Variants in PPP6C observed in about 807,000 individuals in gnomAD.
The protein encoded by PPP6C is serine/threonine-protein phosphatase 6 catalytic subunit.
PPP6C carries 11 observed loss-of-function variants against 39.8 expected under a neutral mutation model. The ratio of observed to expected loss-of-function variants is 0.28; its 90% CI spans 0.17 to 0.46. The LOEUF is 0.46. Among genes scored for constraint, PPP6C ranks in the 20% least tolerant of loss-of-function variants. The pLI is 1.00. For missense variants in PPP6C, 211 were observed against 373.9 expected (o/e 0.56, Z 3.59); for synonymous variants, 129 against 130.3 (o/e 0.99, Z 0.07).
chr9:125,157,177 G>A (rs1836099321), intron 4 of PPP6C, among the ~76,000 whole-genome samples: 1 of 135,778 alleles, frequency 7.4e-6, no homozygotes, highest in African/African-American at 2.8e-5. Context: ...GTAGAGACAG[G>A]GTTTAGTTGG....
rs771845142 is a variant in PPP6C at position 125,153,677 on chromosome 9, T to C, written c.525A>G (p.Gln175=). 44 of 1,614,210 alleles carry C rather than the reference T, an allele frequency of 2.7e-5. 1 individual carries two copies. In the South Asian group the frequency reaches 4.8e-4, roughly 18 times the overall value. ...GLSPDIKTLD[Q]IRTIERNQEI... ...CCTGATTCCGTTCGATGGTTCGAAT[T>C]TGATCCAGTGTTTTGATATCAGGAG... is the stretch of plus-strand genomic sequence containing the variant. The change falls in exon 6 of 7, where the codon CAA becomes CAG. Residue 175 remains glutamine (Q), a synonymous_variant. Transcript: ENST00000373547.
intron 1 of PPP6C, among the ~76,000 whole-genome samples, chr9:125,175,500 G>A (rs371146625): frequency 2.0e-5 from 3 of 151,770 alleles, no homozygotes; most frequent in African/African-American, 7.3e-5. Flanking sequence ...AAAATTAGCG[G>A]GGCATGGTGG....
At chr9:125,184,186 G>T (rs1031104476) in intron 1 of PPP6C, among the ~76,000 whole-genome samples, 2 of 152,050 alleles carry the variant, frequency 1.3e-5, no homozygotes, top group Non-Finnish European at 2.9e-5. Context: ...AGGAGATTGA[G>T]ACCATCCTGG....
chr9:125,162,884 C>T (rs1828917760), intron 2 of PPP6C, among the ~76,000 whole-genome samples: 1 of 151,526 alleles, frequency 6.6e-6, no homozygotes, highest in Admixed American at 6.6e-5. Flanking sequence ...TCGAGACCAG[C>T]CTGGCCAACA....
intron 2 of PPP6C, among the ~76,000 whole-genome samples, chr9:125,163,762 T>C (rs1828943394): frequency 1.3e-5 from 2 of 152,128 alleles, no homozygotes; most frequent in Admixed American, 6.6e-5. Context: ...CTTTTAAAGT[T>C]TGTATTTACC....
chr9:125,175,303 G>A (rs116762020), intron 1 of PPP6C, among the ~76,000 whole-genome samples: 2,854 of 151,996 alleles, frequency 0.019, 81 homozygotes, highest in African/African-American at 0.063. Context: ...AGATGTTCTC[G>A]AAGGTTCCAT....
chr9:125,164,090 G>A (rs893409561), intron 2 of PPP6C, among the ~76,000 whole-genome samples: 36 of 151,856 alleles, frequency 2.4e-4, no homozygotes, highest in African/African-American at 8.7e-4. Context: ...CACCCGCTTC[G>A]GTTTCCCAAA....
intron 1 of PPP6C, among the ~76,000 whole-genome samples, chr9:125,185,797 C>T (rs534497279): frequency 1.3e-5 from 2 of 151,958 alleles, no homozygotes; most frequent in East Asian, 1.9e-4. Context: ...CCAGCCTGAA[C>T]AACATGGGGA....
chr9:125,158,881 G>C (rs1025767378), intron 3 of PPP6C, among the ~76,000 whole-genome samples: 2 of 151,702 alleles, frequency 1.3e-5, no homozygotes, highest in Non-Finnish European at 2.9e-5. Context: ...GGTCAGGCTG[G>C]TCTCAAACTC....
At chr9:125,189,086 A>T (rs1000061399) in intron 1 of PPP6C, 1 of 627,820 alleles carries the variant, frequency 1.6e-6, no homozygotes, top group African/African-American at 1.8e-5. Flanking sequence ...CTAAAAAGCA[A>T]TTTGGAGGAG....
intron 2 of PPP6C, among the ~76,000 whole-genome samples, chr9:125,169,719 T>C (rs1771760249): frequency 6.6e-6 from 1 of 152,216 alleles, no homozygotes; most frequent in South Asian, 2.1e-4. Context: ...TACAAATGTT[T>C]GAGAGAGAAG....
At chr9:125,181,988 TG>T (rs1392149018) in intron 1 of PPP6C, among the ~76,000 whole-genome samples, 2 of 152,236 alleles carry the variant, frequency 1.3e-5, no homozygotes, top group African/African-American at 4.8e-5. Flanking sequence ...TTTTAATGAT[TG>T]CCATTCTAAC....
intron 2 of PPP6C, among the ~76,000 whole-genome samples, chr9:125,164,986 C>T (rs1828981143): frequency 6.6e-6 from 1 of 152,148 alleles, no homozygotes; most frequent in Non-Finnish European, 1.5e-5. Flanking sequence ...ATCCGCCCGC[C>T]TCGGCCTCCC....
chr9:125,180,453 G>A (rs1041679926), intron 1 of PPP6C, among the ~76,000 whole-genome samples: 5 of 151,898 alleles, frequency 3.3e-5, no homozygotes, highest in African/African-American at 9.7e-5. Flanking sequence ...ATGGAGTTTC[G>A]CTCTTGTCAC....
rs147419263 is a variant in PPP6C, at chr9:125,169,798, G to T, written c.171+1287C>A. Among the ~76,000 whole-genome samples the T allele has an allele frequency of 1.6e-3, 249 of 152,252 alleles. 1 individual carries two copies. Among genetic ancestry groups the T allele is most frequent in the African/African-American group, 5.8e-3 (241 of 41,554 alleles). ...AAGAACTGTAATTTTAACAATCAAA[G>T]ATGACATAATGGGACCTCCATCTAG... On this transcript the variant is annotated intron_variant, in intron 2 of 6. Coordinates refer to ENST00000373547, the MANE Select transcript of PPP6C (RefSeq NM_002721.5).
At chr9:125,179,862 G>A (rs144174287) in intron 1 of PPP6C, among the ~76,000 whole-genome samples, 17 of 151,906 alleles carry the variant, frequency 1.1e-4, no homozygotes, top group African/African-American at 3.9e-4. Context: ...CACCACGTTG[G>A]CCAGGCTGGT....
At chr9:125,185,256 T>C (rs1829501652) in intron 1 of PPP6C, among the ~76,000 whole-genome samples, 1 of 151,850 alleles carries the variant, frequency 6.6e-6, no homozygotes, top group African/African-American at 2.4e-5. Flanking sequence ...CATTTTTTTT[T>C]TTTTTTGAGA....
At chr9:125,177,236 T>C (rs1829319612) in intron 1 of PPP6C, among the ~76,000 whole-genome samples, 2 of 151,770 alleles carry the variant, frequency 1.3e-5, no homozygotes, top group Non-Finnish European at 2.9e-5. Context: ...TAGCCGGGCG[T>C]GGTGGCGGGC....
intron 6 of PPP6C, chr9:125,151,696 A>G (rs1835948809): frequency 2.4e-6 from 1 of 423,958 alleles, no homozygotes; most frequent in Non-Finnish European, 4.4e-6. Context: ...GCTCCAGTGT[A>G]GCTTTCTATA....
Sources: gnomAD v4.1 joint callset for allele counts (sites outside exome capture counted in the v4.1 genomes callset) on GRCh38, gnomAD v4.1.1 for gene constraint, MANE v1.5 for transcripts, NCBI Gene and HGNC (gene_info 2026-07-23, HGNC 2026-07-21) for gene names.